Variants in MPPED2 observed in about 807,000 individuals in gnomAD.
MPPED2 encodes metallophosphoesterase domain containing 2, also known as metallophosphoesterase MPPED2.
A neutral mutation model predicts 33.0 loss-of-function variants in MPPED2; 5 were observed. The observed-to-expected ratio is 0.15, with a 90% CI of 0.08 to 0.32. MPPED2 has a LOEUF of 0.32. MPPED2 is among the 10% of genes least tolerant of loss of function. The pLI is 1.00. For synonymous variants in MPPED2, 136 were observed against 141.9 expected, an observed-to-expected ratio of 0.96 and a Z score of 0.29; for missense variants, 275 against 372.1, an observed-to-expected ratio of 0.74 and a Z score of 2.15.
chr11:30,441,400 C>T (rs1310941836), intron 4 of MPPED2: 1 of 152,182 alleles, frequency 6.6e-6, no homozygotes, highest in Admixed American at 6.5e-5. Flanking sequence ...CAATCAAGAT[C>T]ATCTGTTCTA....
intron 3 of MPPED2, among the ~76,000 whole-genome samples, chr11:30,499,385 A>C (rs1952449013): frequency 6.6e-6 from 1 of 152,198 alleles, no homozygotes; most frequent in African/African-American, 2.4e-5. Flanking sequence ...AAAATCCAAA[A>C]TCTGAAATGC....
chr11:30,531,967 C>T (rs11031126), intron 3 of MPPED2, among the ~76,000 whole-genome samples: 28,319 of 152,244 alleles, frequency 0.19, 3,114 homozygotes, highest in Non-Finnish European at 0.25. Flanking sequence ...AGGAAATACA[C>T]TTGGAAATTG....
At chr11:30,504,522 A>G (rs529633253) in intron 3 of MPPED2, among the ~76,000 whole-genome samples, 1 of 152,136 alleles carries the variant, frequency 6.6e-6, no homozygotes, top group East Asian at 1.9e-4. Flanking sequence ...TTGCTGCTGT[A>G]CCCCTGGCAC....
At chr11:30,386,678 A>G (rs780391187) in exon 7 of MPPED2, 76 of 398,354 alleles carry the variant, frequency 1.9e-4, no homozygotes, top group Non-Finnish European at 3.2e-4. Flanking sequence ...AATGAACAGA[A>G]CTCAAATCAG....
chr11:30,403,310 A>G (rs1947939607), intron 6 of MPPED2, among the ~76,000 whole-genome samples: 1 of 152,186 alleles, frequency 6.6e-6, no homozygotes, highest in Admixed American at 6.5e-5. Flanking sequence ...CCTTATTTCA[A>G]TTTCGCTGGT....
At chr11:30,501,887 A>G (rs751582380) in intron 3 of MPPED2, among the ~76,000 whole-genome samples, 41 of 152,166 alleles carry the variant, frequency 2.7e-4, no homozygotes, top group South Asian at 4.1e-4. Context: ...ATCACAACAC[A>G]TGAACCCCTA....
chr11:30,561,122 C>T (rs1956221019), intron 2 of MPPED2, among the ~76,000 whole-genome samples: 1 of 152,040 alleles, frequency 6.6e-6, no homozygotes. Flanking sequence ...AATTTTAAAC[C>T]TTCATGTGGG....
At chr11:30,470,919 A>G (rs887463262) in intron 4 of MPPED2, among the ~76,000 whole-genome samples, 1 of 152,204 alleles carries the variant, frequency 6.6e-6, no homozygotes, top group Non-Finnish European at 1.5e-5. Flanking sequence ...ACCTCCACAG[A>G]TAATGGAAGA....
chr11:30,521,483 ACCACAAG>A (rs1049535788), intron 3 of MPPED2, among the ~76,000 whole-genome samples: 9 of 152,188 alleles, frequency 5.9e-5, no homozygotes, highest in Non-Finnish European at 8.8e-5. Context: ...AGTGTCCAGT[ACCACAAG>A]CCAGGTTATC....
intron 2 of MPPED2, among the ~76,000 whole-genome samples, chr11:30,543,683 A>T (rs1014013380): frequency 1.3e-5 from 2 of 152,184 alleles, no homozygotes; most frequent in Non-Finnish European, 2.9e-5. Flanking sequence ...GAGCTTCTAG[A>T]TATATCTATT....
intron 3 of MPPED2, among the ~76,000 whole-genome samples, chr11:30,506,823 T>C (rs1420942617): frequency 2.0e-5 from 3 of 152,212 alleles, no homozygotes; most frequent in Non-Finnish European, 2.9e-5. Context: ...CATGCTGAAA[T>C]AACATTTGGG....
At chr11:30,405,954 A>AT, downstream of MPPED2, among the ~76,000 whole-genome samples, 1 of 152,164 alleles carries the variant, frequency 6.6e-6, no homozygotes, top group East Asian at 1.9e-4. Context: ...AGCATGTCTG[A>AT]TTCCAAAGTT....
chr11:30,530,379 G>A (rs56279773), intron 3 of MPPED2, among the ~76,000 whole-genome samples: 2,627 of 152,212 alleles, frequency 0.017, 66 homozygotes, highest in African/African-American at 0.06. Context: ...AATGTTCCAG[G>A]CCCTATACTC....
intron 2 of MPPED2, among the ~76,000 whole-genome samples, chr11:30,540,870 G>C (rs1955067139): frequency 6.6e-6 from 1 of 152,182 alleles, no homozygotes; most frequent in Non-Finnish European, 1.5e-5. Flanking sequence ...CTCCACTCTA[G>C]TGGAGTAGCT....
At chr11:30,505,977 A>G (rs1000129689) in intron 3 of MPPED2, among the ~76,000 whole-genome samples, 2 of 152,188 alleles carry the variant, frequency 1.3e-5, no homozygotes, top group African/African-American at 4.8e-5. Flanking sequence ...AATAAGTGAG[A>G]GCAGGAAAGG....
At chr11:30,412,423 C>A (rs369487414) in intron 6 of MPPED2, among the ~76,000 whole-genome samples, 6 of 151,948 alleles carry the variant, frequency 3.9e-5, no homozygotes, top group African/African-American at 1.5e-4. Context: ...TGCCTTATAG[C>A]CTCTTCAACT....
At chr11:30,453,101 T>C (rs1165969792) in intron 4 of MPPED2, among the ~76,000 whole-genome samples, 1 of 152,116 alleles carries the variant, frequency 6.6e-6, no homozygotes, top group Non-Finnish European at 1.5e-5. Flanking sequence ...CTGAGAACAT[T>C]AAATAAATAT....
intron 2 of MPPED2, among the ~76,000 whole-genome samples, 164 bp downstream of exon 2, chr11:30,580,082 T>C (rs546012112): frequency 6.6e-6 from 1 of 152,358 alleles, no homozygotes; most frequent in South Asian, 2.1e-4. Flanking sequence ...TACACAGATG[T>C]ATGGGATTCC....
chr11:30,559,682 TTA>T (rs1197782263), intron 2 of MPPED2, among the ~76,000 whole-genome samples: 1 of 152,148 alleles, frequency 6.6e-6, no homozygotes, highest in Non-Finnish European at 1.5e-5. Context: ...TTTTTTAATT[TTA>T]GTTTTTAAAT....
Sources: gnomAD v4.1 joint callset for allele counts (sites outside exome capture counted in the v4.1 genomes callset) on GRCh38, gnomAD v4.1.1 for gene constraint, MANE v1.5 for transcripts, NCBI Gene and HGNC (gene_info 2026-07-23, HGNC 2026-07-21) for gene names.